NOSTRIN: variants seen among roughly 807,000 people sequenced by gnomAD.
NOSTRIN encodes nitric oxide synthase trafficking.
A neutral mutation model predicts 59.0 loss-of-function variants in NOSTRIN; 63 were observed. The observed-to-expected ratio is 1.07, with a 90% CI of 0.87 to 1.32. NOSTRIN has a LOEUF of 1.32. NOSTRIN is among the 40% of genes most tolerant of loss of function. NOSTRIN has a pLI of 0.00. For missense variants in NOSTRIN, 512 were observed against 473.1 expected (o/e 1.08, Z -0.76); for synonymous variants, 200 against 165.4 (o/e 1.21, Z -1.61).
chr2:168,821,796 T>G (rs557285758), intron 2 of NOSTRIN, among the ~76,000 whole-genome samples: 1 of 152,322 alleles, frequency 6.6e-6, no homozygotes, highest in East Asian at 1.9e-4. Flanking sequence ...AGGATGGCAG[T>G]TGGCCACTGA....
chr2:168,845,601 A>G lies in NOSTRIN; in HGVS notation c.630+2484A>G, dbSNP rs74717607. Among the ~76,000 whole-genome samples the G allele has an allele frequency of 8.2e-4, 124 of 152,142 alleles. 3 individuals are homozygous for G. In the East Asian group the frequency reaches 0.016, roughly 20 times the overall value. On this transcript the variant is annotated intron_variant, in intron 8 of 15. Transcript: ENST00000317647. ...CTTTCCTCCTGTTAAGATCCTCTAC[A>G]TGTTTCCCCTACAACCACCACTCCC... is the stretch of plus-strand genomic sequence containing the variant.
chr2:168,831,828 G>A (rs896457425), intron 6 of NOSTRIN, among the ~76,000 whole-genome samples: 1 of 152,176 alleles, frequency 6.6e-6, no homozygotes, highest in Non-Finnish European at 1.5e-5. Flanking sequence ...CCATTTTACA[G>A]ATTGGGCAAT....
intron 10 of NOSTRIN, 55 bp downstream of exon 10, chr2:168,851,459 G>A: frequency 1.9e-6 from 3 of 1,546,910 alleles, no homozygotes; most frequent in Non-Finnish European, 2.6e-6. Context: ...TAGGTACTGA[G>A]GGACTTACAT....
At chr2:168,861,338 G>A (rs1689433264) in intron 14 of NOSTRIN, among the ~76,000 whole-genome samples, 1 of 152,134 alleles carries the variant, frequency 6.6e-6, no homozygotes. Flanking sequence ...ACTCCTGTTA[G>A]CAGCCATCTG....
At chr2:168,849,321 C>T (rs1457520827) in intron 8 of NOSTRIN, among the ~76,000 whole-genome samples, 1 of 151,984 alleles carries the variant, frequency 6.6e-6, no homozygotes, top group East Asian at 1.9e-4. Context: ...GGATGAATGC[C>T]CAGGCCTTGT....
chr2:168,794,084 C>T (rs1685422056), upstream of NOSTRIN, among the ~76,000 whole-genome samples: 1 of 152,198 alleles, frequency 6.6e-6, no homozygotes, highest in Non-Finnish European at 1.5e-5. Flanking sequence ...AACCTTCCTT[C>T]ATCAAACTGC....
At chr2:168,842,630 G>C (rs1688167188) in intron 7 of NOSTRIN, among the ~76,000 whole-genome samples, 1 of 152,208 alleles carries the variant, frequency 6.6e-6, no homozygotes. Flanking sequence ...TACCAGATAA[G>C]ACTATGGGAT....
intron 7 of NOSTRIN, among the ~76,000 whole-genome samples, 188 bp downstream of exon 7, chr2:168,834,513 A>ACACACG (rs57302360): frequency 1.7e-3 from 237 of 141,766 alleles, no homozygotes; most frequent in African/African-American, 4.8e-3. Flanking sequence ...GCGCGCACAC[A>ACACACG]CACACACACA....
At chr2:168,827,797 C>G (rs964237581) in intron 3 of NOSTRIN, among the ~76,000 whole-genome samples, 4 of 151,836 alleles carry the variant, frequency 2.6e-5, no homozygotes, top group African/African-American at 9.7e-5. Flanking sequence ...TAGTTTTGAA[C>G]CTGTGGCCTC....
intron 7 of NOSTRIN, among the ~76,000 whole-genome samples, chr2:168,837,300 CTTTTT>C (rs761309524): frequency 1.6e-5 from 1 of 62,162 alleles, no homozygotes; most frequent in Non-Finnish European, 3.2e-5. Context: ...TTTTTAACAT[CTTTTT>C]TTTTTTTTTT....
chr2:168,845,795 T>C (rs1031302387), intron 8 of NOSTRIN, among the ~76,000 whole-genome samples: 1 of 151,428 alleles, frequency 6.6e-6, no homozygotes, highest in African/African-American at 2.4e-5. Context: ...TCTTCCTTTT[T>C]TTTTTTTTTT....
At chr2:168,813,112 G>A (rs759485863) in intron 2 of NOSTRIN, among the ~76,000 whole-genome samples, 64 of 152,164 alleles carry the variant, frequency 4.2e-4, no homozygotes, top group Non-Finnish European at 7.5e-4. Flanking sequence ...AATTTCTTCT[G>A]TAAGAAAATA....
At chr2:168,853,059 T>C (rs1381686301) in intron 10 of NOSTRIN, among the ~76,000 whole-genome samples, 8 of 152,236 alleles carry the variant, frequency 5.3e-5, no homozygotes, top group African/African-American at 1.7e-4. Context: ...ACTAGGGTTC[T>C]ACCAAAGTGT....
intron 11 of NOSTRIN, 116 bp from the exon 12 acceptor site, chr2:168,856,574 T>A (rs1574335939): frequency 4.1e-6 from 3 of 726,022 alleles, no homozygotes; most frequent in South Asian, 1.9e-5. Flanking sequence ...GACTCCGTCT[T>A]AAAAAAAAAA....
chr2:168,854,317 C>T (rs528187737), intron 10 of NOSTRIN, among the ~76,000 whole-genome samples: 5 of 152,326 alleles, frequency 3.3e-5, no homozygotes, highest in Admixed American at 2.6e-4. Flanking sequence ...AATCTCTCAG[C>T]CGGGATCCTA....
intron 3 of NOSTRIN, among the ~76,000 whole-genome samples, chr2:168,827,175 T>C (rs1347238849): frequency 3.3e-5 from 5 of 152,218 alleles, no homozygotes; most frequent in Non-Finnish European, 5.9e-5. Context: ...CAGGCCTCTG[T>C]ACCTGGGGTT....
chr2:168,860,315 T>G (rs1689357723), intron 13 of NOSTRIN, among the ~76,000 whole-genome samples: 1 of 152,220 alleles, frequency 6.6e-6, no homozygotes, highest in Admixed American at 6.5e-5. Context: ...TATTAAGGCT[T>G]CAACTCAAAA....
At chr2:168,796,237 C>T (rs182218899), upstream of NOSTRIN, among the ~76,000 whole-genome samples, 3 of 152,344 alleles carry the variant, frequency 2.0e-5, no homozygotes, top group Non-Finnish European at 4.4e-5. Context: ...GACTAGGCGT[C>T]GTCCAGGACT....
At chr2:168,853,781 G>A (rs1688911289) in intron 10 of NOSTRIN, among the ~76,000 whole-genome samples, 1 of 152,126 alleles carries the variant, frequency 6.6e-6, no homozygotes, top group South Asian at 2.1e-4. Flanking sequence ...GGTCAACTTG[G>A]GCCTTCTTTT....
Sources: gnomAD v4.1 joint callset for allele counts (sites outside exome capture counted in the v4.1 genomes callset) on GRCh38, gnomAD v4.1.1 for gene constraint, MANE v1.5 for transcripts, NCBI Gene and HGNC (gene_info 2026-07-23, HGNC 2026-07-21) for gene names.